The following TNPO3 variants were observed in gnomAD, a reference collection of about 807,000 sequenced individuals.
TNPO3 encodes transportin 3.
A neutral mutation model predicts 122.8 loss-of-function variants in TNPO3; 65 were observed. That is an observed-to-expected ratio of 0.53 (90% CI 0.43 to 0.65). The LOEUF (loss-of-function observed/expected upper bound fraction) is 0.65. Among genes scored for constraint, TNPO3 ranks in the 30% least tolerant of loss-of-function variants. TNPO3 has a pLI of 0.00. For synonymous variants in TNPO3, 372 were observed against 411.2 expected (o/e 0.90, Z 1.15); for missense variants, 850 against 1,136.7 (o/e 0.75, Z 3.63).
intron 1 of TNPO3, among the ~76,000 whole-genome samples, chr7:129,038,207 G>C (rs1431474800): frequency 6.6e-6 from 1 of 152,158 alleles, no homozygotes; most frequent in African/African-American, 2.4e-5. Context: ...AAGACATGGA[G>C]AGGTAGAGCT....
chr7:129,019,193 C>A (rs982837234), intron 1 of TNPO3, among the ~76,000 whole-genome samples: 3 of 152,124 alleles, frequency 2.0e-5, no homozygotes, highest in African/African-American at 7.2e-5. Context: ...TTGAAGACAA[C>A]TTTGGAAACA....
rs1801457422 is a variant in TNPO3 at position 128,997,501 on chromosome 7, A to C, written c.1046T>G (p.Leu349Arg). ...GTTAGTTTTGTACAAATGTTCCCCCAGTCGGTACCAAAAGTTAAATGAAAT... is the reference window on the plus strand; with the variant it reads ...GTTAGTTTTGTACAAATGTTCCCCCCGTCGGTACCAAAAGTTAAATGAAAT... The part of the protein sequence containing the change: ...VEISFNFWYR[L>R]GEHLYKTNDE... The change falls in exon 8 of 23, where the codon CTG becomes CGG. Residue 349 changes from leucine (L) to arginine (R), a missense_variant. By Grantham distance (102) the Leu-to-Arg change is moderately radical. Transcript: ENST00000265388. The C allele has an allele frequency of 6.2e-7, 1 of 1,614,070 alleles. No homozygotes were observed.
chr7:128,997,301 T>C, intron 8 of TNPO3, 88 bp downstream of exon 8: 1 of 1,488,750 alleles, frequency 6.7e-7, no homozygotes, highest in Non-Finnish European at 9.2e-7. Context: ...CCCAGCCAGG[T>C]TTATTATCTA....
At position 129,014,183 on chromosome 7, in the gene TNPO3, A is replaced by G. The variant is rs1165263661; in HGVS notation, c.552+796T>C. On this transcript the variant is annotated intron_variant, in intron 4 of 22. Coordinates refer to ENST00000265388, the MANE Select transcript of TNPO3 (RefSeq NM_012470.4). ...AGGTGATGGATATCTCAATTTGATC[A>G]TCACCTGATTTGATCTGATCATCAC... Among the ~76,000 whole-genome samples the G allele has an allele frequency of 5.3e-5, 8 of 152,248 alleles. 1 individual carries two copies. The highest frequency in any genetic ancestry group is 1.2e-4 in the Non-Finnish European group (8 of 68,040).
At chr7:128,958,472 C>T (rs1233984258) in intron 21 of TNPO3, among the ~76,000 whole-genome samples, 1 of 152,138 alleles carries the variant, frequency 6.6e-6, no homozygotes, top group Non-Finnish European at 1.5e-5. Flanking sequence ...GCTTGCCTTC[C>T]TGTAGCCCTC....
At chr7:128,980,576 G>A (rs1799527456) in intron 14 of TNPO3, among the ~76,000 whole-genome samples, 1 of 152,166 alleles carries the variant, frequency 6.6e-6, no homozygotes, top group African/African-American at 2.4e-5. Flanking sequence ...TATAATCCCA[G>A]CTACTTAGGA....
At chr7:128,970,712 T>C (rs1295055213) in intron 19 of TNPO3, 1 of 156,832 alleles carries the variant, frequency 6.4e-6, no homozygotes, top group East Asian at 1.9e-4. Context: ...TGTTCCTATT[T>C]CCTTTTTTAA....
chr7:129,027,558 C>CAAAAAAAAAAAAAAAAAAAAAAAAAAA (rs71162549), intron 1 of TNPO3, among the ~76,000 whole-genome samples: 1 of 8,972 alleles, frequency 1.1e-4, no homozygotes, highest in Non-Finnish European at 1.8e-4. Flanking sequence ...AAGACTGTCT[C>CAAAAAAAAAAAAAAAAAAAAAAAAAAA]AAAAAAAAAA....
At chr7:128,962,674 T>C (rs1184588601) in intron 21 of TNPO3, among the ~76,000 whole-genome samples, 1 of 152,250 alleles carries the variant, frequency 6.6e-6, no homozygotes, top group Non-Finnish European at 1.5e-5. Context: ...CTCTTACTTC[T>C]GTTCATTTCC....
At chr7:128,988,394 CA>C (rs1260517901) in intron 11 of TNPO3, among the ~76,000 whole-genome samples, 1 of 152,086 alleles carries the variant, frequency 6.6e-6, no homozygotes, top group Non-Finnish European at 1.5e-5. Flanking sequence ...AAAACAAAAC[CA>C]AAACCCCACC....
chr7:129,050,410 G>T (rs1030985815), intron 1 of TNPO3, among the ~76,000 whole-genome samples: 2 of 150,414 alleles, frequency 1.3e-5, no homozygotes, highest in Non-Finnish European at 3.0e-5. Flanking sequence ...AAGGGTGGGG[G>T]GGGAATCGGC....
chr7:129,017,184 T>A, intron 2 of TNPO3, 128 bp from the exon 3 acceptor site: 2 of 840,378 alleles, frequency 2.4e-6, no homozygotes, highest in Non-Finnish European at 3.8e-6. Flanking sequence ...CCTTCCCCCA[T>A]TTCTCCCAAC....
At chr7:129,014,346 G>T (rs1658771860) in intron 4 of TNPO3, among the ~76,000 whole-genome samples, 1 of 152,136 alleles carries the variant, frequency 6.6e-6, no homozygotes, top group African/African-American at 2.4e-5. Flanking sequence ...AACATGGAGA[G>T]ACACCATCTC....
rs1799391635 is a variant in TNPO3 at position 128,979,240 on chromosome 7, A to G, written c.1921-117T>C. ...AAATAACTGGGACAAAACTTTCTGT[A>G]TAGGAACACACATGGCCAGCATGCT... On this transcript the variant is annotated intron_variant, in intron 15 of 22. Coordinates refer to ENST00000265388, the MANE Select transcript of TNPO3 (RefSeq NM_012470.4). 7.2e-6 allele frequency: 9 copies of G among 1,249,250 alleles called. No individual in the cohort carries two copies. The Admixed American group carries it at 2.0e-4, about 27-fold the overall frequency. 77.4% of individuals were successfully genotyped at this position (1,249,250 alleles called of 1,614,324 possible). A position where few individuals can be genotyped will look rare whatever the true frequency, so the allele number is the denominator to read the frequency against.
At chr7:129,002,856 C>T (rs1350295622) in intron 5 of TNPO3, among the ~76,000 whole-genome samples, 7 of 151,462 alleles carry the variant, frequency 4.6e-5, no homozygotes, top group Non-Finnish European at 7.4e-5. Flanking sequence ...ATCGAGACCA[C>T]GGTGAAACCC....
At chr7:128,960,102 A>G (rs979695064) in intron 21 of TNPO3, among the ~76,000 whole-genome samples, 2 of 152,220 alleles carry the variant, frequency 1.3e-5, no homozygotes, top group Non-Finnish European at 2.9e-5. Flanking sequence ...GACTGCATGT[A>G]TGACAGTGAT....
At chr7:129,032,946 A>G (rs975919452) in intron 1 of TNPO3, among the ~76,000 whole-genome samples, 13 of 152,224 alleles carry the variant, frequency 8.5e-5, no homozygotes, top group Non-Finnish European at 1.9e-4. Flanking sequence ...TTCAACACTT[A>G]TTACAAAGCC....
chr7:129,028,456 T>G (rs10239340), intron 1 of TNPO3, among the ~76,000 whole-genome samples: 90,102 of 151,898 alleles, frequency 0.59, 26,901 homozygotes, highest in South Asian at 0.62. Context: ...TAAGGAGCCA[T>G]AAAAAGAACA....
rs190759031 is a variant in TNPO3 at position 128,970,321 on chromosome 7, T to G, written c.2431-6A>C. The G allele has an allele frequency of 5.7e-5, 90 of 1,570,650 alleles. No individual in the cohort carries two copies. In the Admixed American group the frequency reaches 1.7e-3, roughly 29 times the overall value. ...AATTCAAAGTCTTCTTCATGCTGTATGTAGGAAAGCAGGAACATCAGATAA... is the reference window on the plus strand; with the variant it reads ...AATTCAAAGTCTTCTTCATGCTGTAGGTAGGAAAGCAGGAACATCAGATAA... On this transcript the variant is annotated splice_polypyrimidine_tract_variant and splice_region_variant and intron_variant, in intron 19 of 22. Coordinates refer to ENST00000265388, the MANE Select transcript of TNPO3 (RefSeq NM_012470.4).
Sources: gnomAD v4.1 joint callset for allele counts (sites outside exome capture counted in the v4.1 genomes callset) on GRCh38, gnomAD v4.1.1 for gene constraint, MANE v1.5 for transcripts, NCBI Gene and HGNC (gene_info 2026-07-23, HGNC 2026-07-21) for gene names.